Variants in ATP8A1 observed in about 807,000 individuals in gnomAD.
ATP8A1 encodes the protein ATPase phospholipid transporting 8A1.
In ATP8A1, 90 loss-of-function variants were observed where a neutral mutation model predicts 177.7. The observed-to-expected ratio is 0.51, with a 90% CI of 0.43 to 0.60. The LOEUF (loss-of-function observed/expected upper bound fraction) is 0.60, where lower values mean the gene tolerates loss of function less well. Among genes scored for constraint, ATP8A1 ranks in the 20% least tolerant of loss-of-function variants. ATP8A1 has a pLI of 0.00. For synonymous variants in ATP8A1, 493 were observed against 485.9 expected (o/e 1.01, Z -0.19); for missense variants, 1,072 against 1,392.8 (o/e 0.77, Z 3.67).
intron 2 of ATP8A1, 125 bp downstream of exon 2, chr4:42,626,870 A>C (rs1738158495): frequency 2.8e-6 from 2 of 711,432 alleles, no homozygotes. Context: ...GCCTATTCAC[A>C]CTGCCAACAG....
In ATP8A1 at chr4:42,574,602, T is replaced by C; in HGVS notation, c.1295+17A>G. On this transcript the variant is annotated intron_variant, in intron 14 of 36. Transcript: ENST00000381668. ...TTAAGCATGTATTTCATATCCTAAT[T>C]AAAGGAAAAAACTCACCCATAAGCA... The C allele has an allele frequency of 1.3e-6, 2 of 1,593,892 alleles. No individual in the cohort carries two copies. Among genetic ancestry groups the C allele is most frequent in the Non-Finnish European group, 8.6e-7 (1 of 1,166,932 alleles).
intron 15 of ATP8A1, among the ~76,000 whole-genome samples, chr4:42,557,711 C>T (rs933493801): frequency 7.2e-5 from 11 of 152,074 alleles, no homozygotes; most frequent in African/African-American, 2.7e-4. Flanking sequence ...AAGAACTCTT[C>T]TTCTAGAAAG....
intron 5 of ATP8A1, among the ~76,000 whole-genome samples, chr4:42,602,557 C>T (rs908566216): frequency 1.3e-5 from 2 of 151,990 alleles, no homozygotes; most frequent in African/African-American, 2.4e-5. Flanking sequence ...TGAGGTCAGG[C>T]GTTCGAGACC....
intron 1 of ATP8A1, among the ~76,000 whole-genome samples, chr4:42,641,013 A>G (rs1181143895): frequency 1.5e-5 from 1 of 67,822 alleles, no homozygotes; most frequent in African/African-American, 9.0e-5. Context: ...CTCACCAGAA[A>G]AAAAAAAAAA....
intron 4 of ATP8A1, among the ~76,000 whole-genome samples, chr4:42,616,614 A>C (rs936827202): frequency 2.0e-5 from 3 of 152,218 alleles, no homozygotes; most frequent in African/African-American, 7.2e-5. Flanking sequence ...ACTGGCATAC[A>C]GTCTCCCCTG....
In ATP8A1 at chr4:42,555,139, A is replaced by ATCTTATCT. The variant is rs1553903246; in HGVS notation, c.1413+828_1413+829insAGATAAGA. On this transcript the variant is annotated intron_variant, in intron 16 of 36. Transcript: ENST00000381668. Reference sequence around the variant, plus strand: ...TATCTATCTATCTATCTATCTATCTAATCTATCTATCTATCTATCTATCTA... The same window carrying ATCTTATCT: ...TATCTATCTATCTATCTATCTATCTATCTTATCTATCTATCTATCTATCTATCTATCTA... Among the ~76,000 whole-genome samples the ATCTTATCT allele has an allele frequency of 6.8e-3, 404 of 59,518 alleles. 8 individuals are homozygous for ATCTTATCT. Among genetic ancestry groups the ATCTTATCT allele is most frequent in the Middle Eastern group, 7.9e-3 (1 of 126 alleles). 39.0% of individuals were successfully genotyped at this position (59,518 alleles called of 152,430 possible). A position where few individuals can be genotyped will look rare whatever the true frequency, so the allele number is the denominator to read the frequency against.
At chr4:42,592,044 G>A (rs1734233450) in intron 6 of ATP8A1, among the ~76,000 whole-genome samples, 1 of 151,984 alleles carries the variant, frequency 6.6e-6, no homozygotes, top group Non-Finnish European at 1.5e-5. Context: ...ATTTCATGAG[G>A]TTAATGTAGA....
chr4:42,416,611 G>A (rs768045492), intron 35 of ATP8A1, among the ~76,000 whole-genome samples: 9 of 152,134 alleles, frequency 5.9e-5, no homozygotes, highest in Non-Finnish European at 1.2e-4. Context: ...ACATTACTCA[G>A]GAAAGATCAT....
intron 25 of ATP8A1, among the ~76,000 whole-genome samples, chr4:42,467,616 C>A (rs1719931186): frequency 6.6e-6 from 1 of 152,120 alleles, no homozygotes; most frequent in Non-Finnish European, 1.5e-5. Flanking sequence ...TCGCTTGAAC[C>A]CAGGAAGTGG....
intron 12 of ATP8A1, 29 bp downstream of exon 12, chr4:42,578,231 G>C: frequency 6.5e-7 from 1 of 1,539,512 alleles, no homozygotes; most frequent in Non-Finnish European, 8.7e-7. Context: ...TTATTTTGTA[G>C]GGTGATAACA....
chr4:42,630,135 C>T (rs1159398393), intron 1 of ATP8A1, among the ~76,000 whole-genome samples: 1 of 152,160 alleles, frequency 6.6e-6, no homozygotes, highest in Admixed American at 6.5e-5. Flanking sequence ...ATAATAACCA[C>T]ATAAAGAGCT....
At chr4:42,453,245 T>C (rs548645049) in intron 29 of ATP8A1, among the ~76,000 whole-genome samples, 1 of 152,344 alleles carries the variant, frequency 6.6e-6, no homozygotes, top group South Asian at 2.1e-4. Context: ...AGGGCAACAA[T>C]GCTCCCGCAC....
At chr4:42,479,849 G>T in intron 25 of ATP8A1, among the ~76,000 whole-genome samples, 1 of 152,206 alleles carries the variant, frequency 6.6e-6, no homozygotes, top group East Asian at 1.9e-4. Flanking sequence ...GGGAGCATGA[G>T]GGGCTTCTTG....
At chr4:42,573,717 T>C (rs1350146008) in intron 14 of ATP8A1, among the ~76,000 whole-genome samples, 2 of 152,074 alleles carry the variant, frequency 1.3e-5, no homozygotes, top group African/African-American at 4.8e-5. Flanking sequence ...TACTTATTTA[T>C]AATTTTAACT....
In ATP8A1 at chr4:42,423,729, A is replaced by G. The variant is rs747351361; in HGVS notation, c.3124-24T>C. The G allele has an allele frequency of 2.6e-6, 4 of 1,565,826 alleles. No homozygotes were observed. The South Asian group carries it at 4.6e-5, about 18-fold the overall frequency. Reference sequence around the variant, plus strand: ...GCCTGTGTAAATCGTCAGAAAAAACATTACTTTAAAACCAAAAAATACATG... The same window carrying G: ...GCCTGTGTAAATCGTCAGAAAAAACGTTACTTTAAAACCAAAAAATACATG... On this transcript the variant is annotated intron_variant, in intron 33 of 36. Transcript: ENST00000381668.
chr4:42,650,459 T>C (rs577783512), intron 1 of ATP8A1, among the ~76,000 whole-genome samples: 12 of 152,340 alleles, frequency 7.9e-5, no homozygotes, highest in Admixed American at 2.0e-4. Flanking sequence ...AGCTGGTGCA[T>C]AATAAGTGGT....
chr4:42,522,895 C>T (rs2153198752), intron 21 of ATP8A1, among the ~76,000 whole-genome samples: 1 of 152,250 alleles, frequency 6.6e-6, no homozygotes, highest in East Asian at 1.9e-4. Flanking sequence ...TGTGTCTCCT[C>T]TATTAAAGCA....
At chr4:42,458,167 A>G (rs906450755) in intron 27 of ATP8A1, among the ~76,000 whole-genome samples, 1 of 151,988 alleles carries the variant, frequency 6.6e-6, no homozygotes, top group African/African-American at 2.4e-5. Flanking sequence ...ATTGTAGTTA[A>G]TATTGGGAAC....
intron 20 of ATP8A1, among the ~76,000 whole-genome samples, chr4:42,525,474 G>A (rs1321921303): frequency 1.3e-5 from 2 of 152,092 alleles, no homozygotes; most frequent in African/African-American, 4.8e-5. Context: ...AACAACTCTC[G>A]AAATGCCTTA....
Sources: gnomAD v4.1 joint callset for allele counts (sites outside exome capture counted in the v4.1 genomes callset) on GRCh38, gnomAD v4.1.1 for gene constraint, MANE v1.5 for transcripts, NCBI Gene and HGNC (gene_info 2026-07-23, HGNC 2026-07-21) for gene names.